The following MPRIP variants were observed in gnomAD, a reference collection of about 807,000 sequenced individuals.
MPRIP encodes the protein myosin phosphatase Rho interacting protein.
Under a neutral mutation model 234.9 loss-of-function variants are expected in MPRIP, and 59 were observed. The ratio of observed to expected loss-of-function variants is 0.25; its 90% CI spans 0.20 to 0.31. MPRIP has a LOEUF of 0.31. Among genes scored for constraint, MPRIP ranks in the 10% least tolerant of loss-of-function variants. The probability of loss-of-function intolerance (pLI) is 1.00; values close to 1 mark genes in which losing one functional copy is unlikely to be tolerated. For synonymous variants in MPRIP, 1,144 were observed against 1,263.9 expected (o/e 0.91, Z 2.01); for missense variants, 2,436 against 3,071.0 (o/e 0.79, Z 4.89).
chr17:17,158,976 G>A lies in MPRIP; in HGVS notation c.2374G>A (p.Glu792Lys), dbSNP rs1283781184. 1.9e-6 allele frequency: 3 copies of A among 1,612,588 alleles called. No homozygotes were observed. The highest frequency in any genetic ancestry group is 2.5e-6 in the Non-Finnish European group (3 of 1,179,788). The change falls in exon 14 of 24, where the codon GAG (glutamate) becomes AAG (lysine). Residue 792 changes from glutamate (E) to lysine (K), a missense_variant. Physicochemically the swap from Glu to Lys is moderately conservative, Grantham distance 56. This residue lies in a region of MPRIP where 1,998 missense variants were observed against 2,520.3 expected (regional missense o/e 0.79). Coordinates refer to ENST00000651222, the MANE Select transcript of MPRIP (RefSeq NM_001364716.4). ...EDGGDRLSTHELTSLLEKELE... is the reference protein window; with the variant it reads ...EDGGDRLSTHKLTSLLEKELE... ...TGGGGGTGACCGGCTCTCCACACAC[G>A]AGCTGACCTCTCTGCTCGAGAAGGA...
chr17:17,173,089 G>C (rs1291858644), intron 18 of MPRIP, among the ~76,000 whole-genome samples: 2 of 152,248 alleles, frequency 1.3e-5, no homozygotes, highest in African/African-American at 4.8e-5. Context: ...GCTGATCCCA[G>C]CAACTGCCCA....
chr17:17,172,784 T>G lies in MPRIP; in HGVS notation c.6559T>G (p.Ser2187Ala). The change falls in exon 18 of 24, where the codon TCG becomes GCG. Residue 2187 changes from serine (S) to alanine (A), a missense_variant. Physicochemically the swap from Ser to Ala is moderately conservative, Grantham distance 99 (BLOSUM62 1). Coordinates refer to ENST00000651222, the MANE Select transcript of MPRIP (RefSeq NM_001364716.4). Reference sequence around the variant, plus strand: ...GCGGTCCCAGATCAGCAGCGTCAACTCGGATGTTGAGGCCCTGCGGCGCCA... The same window carrying G: ...GCGGTCCCAGATCAGCAGCGTCAACGCGGATGTTGAGGCCCTGCGGCGCCA... Reference protein sequence around the residue: ...SQRSQISSVNSDVEALRRQYL... With the variant: ...SQRSQISSVNADVEALRRQYL... 1 of 1,612,426 alleles carries G rather than the reference T, an allele frequency of 6.2e-7. No homozygotes were observed. Among genetic ancestry groups the G allele is most frequent in the African/African-American group, 1.3e-5 (1 of 74,970 alleles).
chr17:17,144,599 T>C (rs926987776), intron 9 of MPRIP, among the ~76,000 whole-genome samples: 4 of 152,204 alleles, frequency 2.6e-5, no homozygotes, highest in African/African-American at 9.6e-5. Context: ...GGCTCACGTC[T>C]GTAATCCAAG....
At position 17,190,969 on chromosome 17, in the gene MPRIP, A is replaced by T. The variant is rs1003645355; in HGVS notation, c.*6075A>T. On this transcript the variant is annotated 3_prime_UTR_variant, in exon 24 of 24. Coordinates refer to ENST00000651222, the MANE Select transcript of MPRIP (RefSeq NM_001364716.4). ...TGTGACAGAGTTTGTATGGGTTTTT[A>T]AAAAAATCTTAGACACCCCTTTTTA... 1.7e-4 allele frequency: 26 copies of T among 152,172 alleles called. No homozygotes were observed. The highest frequency in any genetic ancestry group is 5.8e-4 in the African/African-American group (24 of 41,434). 9.4% of individuals were successfully genotyped at this position (152,172 alleles called of 1,614,324 possible).
chr17:17,078,235 A>C lies in MPRIP; in HGVS notation c.267+159A>C, dbSNP rs755318706. Among the ~76,000 whole-genome samples, 9 of 152,298 alleles carry C rather than the reference A, an allele frequency of 5.9e-5. No homozygotes were observed. The highest frequency in any genetic ancestry group is 1.2e-4 in the Non-Finnish European group (8 of 68,024). On this transcript the variant is annotated intron_variant, in intron 3 of 23. Coordinates refer to ENST00000651222, the MANE Select transcript of MPRIP (RefSeq NM_001364716.4). This position sits in a 1 kb window ranked among gnomAD's most constrained non-coding sequence, Gnocchi z 4.3. Reference sequence around the variant, plus strand: ...TTGAAGAACTTGTGGCACCTGCTGGAGACAGCTTTAAAAACCCAGACCTTT... The same window carrying C: ...TTGAAGAACTTGTGGCACCTGCTGGCGACAGCTTTAAAAACCCAGACCTTT...
chr17:17,090,391 G>A (rs1298424099), intron 3 of MPRIP, among the ~76,000 whole-genome samples: 3 of 152,210 alleles, frequency 2.0e-5, no homozygotes, highest in African/African-American at 7.2e-5. Flanking sequence ...CTCGATGGAA[G>A]GGTGGTAGAT....
At chr17:17,102,647 TAC>T (rs1270459924) in intron 3 of MPRIP, among the ~76,000 whole-genome samples, 1 of 152,010 alleles carries the variant, frequency 6.6e-6, no homozygotes, top group Admixed American at 6.5e-5. Flanking sequence ...GCGCTTGGTA[TAC>T]ACACCCCCAA....
chr17:17,151,208 T>C (rs1002534136), intron 12 of MPRIP, among the ~76,000 whole-genome samples: 11 of 151,758 alleles, frequency 7.2e-5, no homozygotes, highest in African/African-American at 9.7e-5. Flanking sequence ...AGTCCGGAGG[T>C]TTCCAAAACC....
intron 3 of MPRIP, among the ~76,000 whole-genome samples, chr17:17,120,498 T>C (rs565226831): frequency 6.6e-6 from 1 of 152,174 alleles, no homozygotes; most frequent in Non-Finnish European, 1.5e-5. Flanking sequence ...TGTGCTCATC[T>C]CTTTGGAGAG....
chr17:17,053,794 C>T (rs949543733), intron 1 of MPRIP, among the ~76,000 whole-genome samples: 2 of 152,214 alleles, frequency 1.3e-5, no homozygotes, highest in Admixed American at 6.5e-5. Flanking sequence ...CAGGCTGTCT[C>T]CTCTCCCACT....
At chr17:17,046,395 C>G (rs978152239) in intron 1 of MPRIP, among the ~76,000 whole-genome samples, 4 of 152,038 alleles carry the variant, frequency 2.6e-5, no homozygotes, top group Non-Finnish European at 4.4e-5. Flanking sequence ...TGCATGAATG[C>G]AAGTATTTCT....
At chr17:17,175,827 T>A (rs1426030554) in intron 20 of MPRIP, among the ~76,000 whole-genome samples, 1 of 152,228 alleles carries the variant, frequency 6.6e-6, no homozygotes, top group Non-Finnish European at 1.5e-5. Flanking sequence ...TTTCTCCACA[T>A]TCAATTAAAA....
chr17:17,108,835 A>G (rs1047056670), intron 3 of MPRIP, among the ~76,000 whole-genome samples: 38 of 152,308 alleles, frequency 2.5e-4, no homozygotes, highest in African/African-American at 8.7e-4. Flanking sequence ...CAGTTACACC[A>G]TGTGGCATGG....
At chr17:17,130,553 C>T (rs544099347) in intron 4 of MPRIP, among the ~76,000 whole-genome samples, 1 of 152,002 alleles carries the variant, frequency 6.6e-6, no homozygotes, top group Non-Finnish European at 1.5e-5. Context: ...CCCGTGTGAT[C>T]TCTAGCAGGA....
chr17:17,121,498 C>CGG (rs1567728787), intron 3 of MPRIP, among the ~76,000 whole-genome samples: 2 of 151,946 alleles, frequency 1.3e-5, no homozygotes, highest in East Asian at 3.9e-4. Context: ...TGAGAGGACA[C>CGG]GGGAAGAGTT....
rs1034981964 is a variant in MPRIP, at chr17:17,191,251, C to G, written c.*6357C>G. 2.0e-5 allele frequency: 3 copies of G among 152,168 alleles called. No homozygotes were observed. Among genetic ancestry groups the G allele is most frequent in the Non-Finnish European group, 4.4e-5 (3 of 68,026 alleles). The allele number at this position is 152,168 out of a possible 1,614,324, so 9.4% of individuals were successfully genotyped here. A position where few individuals can be genotyped will look rare whatever the true frequency, so the allele number is the denominator to read the frequency against. On this transcript the variant is annotated 3_prime_UTR_variant, in exon 24 of 24. Transcript: ENST00000651222. ...AAGAAAATGATGGTGCCATCTTGAC[C>G]AGACTTCTGCACAGTAATTTAACGC...
intron 5 of MPRIP, among the ~76,000 whole-genome samples, chr17:17,135,240 C>T (rs1450538678): frequency 6.6e-6 from 1 of 151,904 alleles, no homozygotes; most frequent in East Asian, 2.0e-4. Context: ...CCAGGGACTG[C>T]CTCTGCATCT....
At chr17:17,108,332 T>C (rs2090103436) in intron 3 of MPRIP, among the ~76,000 whole-genome samples, 1 of 152,248 alleles carries the variant, frequency 6.6e-6, no homozygotes, top group Non-Finnish European at 1.5e-5. Flanking sequence ...TTAATACAGC[T>C]GGGTGGCCAG....
intron 5 of MPRIP, among the ~76,000 whole-genome samples, chr17:17,133,309 T>C (rs1365302398): frequency 6.6e-6 from 1 of 152,208 alleles, no homozygotes; most frequent in Non-Finnish European, 1.5e-5. Context: ...TTGAGGCTGC[T>C]TGTTTCCAGA....
Sources: allele counts gnomAD v4.1 joint callset (sites outside exome capture counted in the v4.1 genomes callset), GRCh38; gene constraint gnomAD v4.1.1; regional missense constraint gnomAD v4.1.1; non-coding constraint Gnocchi (gnomAD v3.1); transcripts MANE v1.5; gene names NCBI Gene and HGNC (gene_info 2026-07-23, HGNC 2026-07-21).